UNC5D: variants seen among roughly 807,000 people sequenced by gnomAD.
The protein encoded by UNC5D is unc-5 netrin receptor D.
In UNC5D, 39 loss-of-function variants were observed where a neutral mutation model predicts 105.4. That is an observed-to-expected ratio of 0.37 (90% CI 0.29 to 0.48). The LOEUF (loss-of-function observed/expected upper bound fraction) is 0.48. UNC5D is among the 20% of genes least tolerant of loss of function. The probability of loss-of-function intolerance (pLI) is 0.98; values close to 1 mark genes in which losing one functional copy is unlikely to be tolerated. For synonymous variants in UNC5D, 452 were observed against 450.4 expected (o/e 1.00, Z -0.04); for missense variants, 991 against 1,202.4 (o/e 0.82, Z 2.60).
At chr8:35,560,955 CA>C (rs1816912103) in intron 2 of UNC5D, among the ~76,000 whole-genome samples, 1 of 152,174 alleles carries the variant, frequency 6.6e-6, no homozygotes, top group African/African-American at 2.4e-5. Flanking sequence ...TGGGGTAAGA[CA>C]AGATATAATC....
chr8:35,634,769 T>TC (rs1206351577), intron 4 of UNC5D, among the ~76,000 whole-genome samples: 2 of 151,700 alleles, frequency 1.3e-5, no homozygotes, highest in Non-Finnish European at 2.9e-5. Flanking sequence ...TTTTTTTTTT[T>TC]CTTTCCTTTT....
chr8:35,670,458 C>T (rs1824710158), intron 4 of UNC5D, among the ~76,000 whole-genome samples: 1 of 152,102 alleles, frequency 6.6e-6, no homozygotes, highest in South Asian at 2.1e-4. Flanking sequence ...GGAACCAACC[C>T]AAATGCCCAT....
Position 35,793,270 on chromosome 8 carries a change from G to A in UNC5D, c.*2707G>A, listed in dbSNP as rs1374070220. The A allele has an allele frequency of 7.5e-6, 3 of 399,734 alleles. No homozygotes were observed. Among genetic ancestry groups the A allele is most frequent in the African/African-American group, 2.1e-5 (1 of 47,616 alleles). The allele number at this position is 399,734 out of a possible 1,614,324, so 24.8% of individuals were successfully genotyped here. A position where few individuals can be genotyped will look rare whatever the true frequency, so the allele number is the denominator to read the frequency against. ...TGAGATTTACAGACCAAGGTGTGGTGGAGGAGGTAGAATTGCAGATCAGAT... is the reference window on the plus strand; with the variant it reads ...TGAGATTTACAGACCAAGGTGTGGTAGAGGAGGTAGAATTGCAGATCAGAT... On this transcript the variant is annotated 3_prime_UTR_variant, in exon 17 of 17. Transcript: ENST00000404895.
chr8:35,369,932 T>C (rs1563351761), intron 1 of UNC5D, among the ~76,000 whole-genome samples: 1 of 152,172 alleles, frequency 6.6e-6, no homozygotes, highest in Non-Finnish European at 1.5e-5. Context: ...AATTTTCTCT[T>C]TTTGCTGTAC....
chr8:35,479,545 C>A (rs1810338257), intron 1 of UNC5D, among the ~76,000 whole-genome samples: 1 of 152,030 alleles, frequency 6.6e-6, no homozygotes, highest in Non-Finnish European at 1.5e-5. Flanking sequence ...ACCAAGATGC[C>A]CATCAACAGT....
chr8:35,264,535 C>T (rs899119213), intron 1 of UNC5D, among the ~76,000 whole-genome samples: 1 of 152,088 alleles, frequency 6.6e-6, no homozygotes, highest in Non-Finnish European at 1.5e-5. Flanking sequence ...CGAGACCAAC[C>T]TGACCAACAA....
chr8:35,555,212 C>G (rs540738909), intron 2 of UNC5D, among the ~76,000 whole-genome samples: 62 of 152,132 alleles, frequency 4.1e-4, no homozygotes, highest in Non-Finnish European at 7.3e-4. Flanking sequence ...TCCCTCCCCA[C>G]CTTAGATTTC....
intron 1 of UNC5D, among the ~76,000 whole-genome samples, chr8:35,429,163 C>T (rs1585821674): frequency 1.3e-5 from 2 of 152,078 alleles, no homozygotes; most frequent in African/African-American, 4.8e-5. Context: ...TCAAAAGCTG[C>T]AATAATCTTC....
chr8:35,360,362 G>C (rs1191813651), intron 1 of UNC5D, among the ~76,000 whole-genome samples: 3 of 152,158 alleles, frequency 2.0e-5, no homozygotes, highest in Non-Finnish European at 2.9e-5. Flanking sequence ...TTTCATTAGA[G>C]AATCTCTCTA....
At chr8:35,591,411 A>C (rs2130884384) in intron 3 of UNC5D, among the ~76,000 whole-genome samples, 1 of 152,266 alleles carries the variant, frequency 6.6e-6, no homozygotes, top group East Asian at 1.9e-4. Flanking sequence ...TAATATTGTT[A>C]AAATTAACAG....
At chr8:35,590,632 A>G (rs1365896166) in intron 3 of UNC5D, among the ~76,000 whole-genome samples, 5 of 152,180 alleles carry the variant, frequency 3.3e-5, no homozygotes, top group African/African-American at 1.2e-4. Flanking sequence ...ATCTAGTAAT[A>G]TACATGACCT....
intron 3 of UNC5D, among the ~76,000 whole-genome samples, chr8:35,568,534 C>T (rs934620246): frequency 6.6e-6 from 1 of 152,078 alleles, no homozygotes; most frequent in African/African-American, 2.4e-5. Flanking sequence ...ACTAATAATA[C>T]AAAAATTAGC....
chr8:35,362,601 A>T (rs1801914901), intron 1 of UNC5D, among the ~76,000 whole-genome samples: 1 of 152,314 alleles, frequency 6.6e-6, no homozygotes, highest in South Asian at 2.1e-4. Context: ...ATTTTGAATT[A>T]TTCTCAGACT....
chr8:35,248,753 A>G (rs1488196051), intron 1 of UNC5D, among the ~76,000 whole-genome samples: 11 of 99,574 alleles, frequency 1.1e-4, no homozygotes, highest in Non-Finnish European at 1.7e-4. Context: ...TAAAATATAT[A>G]AATATATATA....
At chr8:35,323,624 T>C (rs1809922452) in intron 1 of UNC5D, among the ~76,000 whole-genome samples, 1 of 152,162 alleles carries the variant, frequency 6.6e-6, no homozygotes, top group African/African-American at 2.4e-5. Flanking sequence ...AGTGTGTGAA[T>C]TAATATTTTT....
chr8:35,561,793 T>C (rs1816986004), intron 2 of UNC5D, among the ~76,000 whole-genome samples: 1 of 152,174 alleles, frequency 6.6e-6, no homozygotes, highest in African/African-American at 2.4e-5. Flanking sequence ...GGGGCACTTG[T>C]GATATTTTGA....
chr8:35,754,758 G>A (rs757258451), intron 13 of UNC5D, among the ~76,000 whole-genome samples: 23 of 152,174 alleles, frequency 1.5e-4, no homozygotes, highest in Non-Finnish European at 3.1e-4. Flanking sequence ...ATTCTCATTT[G>A]CTCTGGGGGT....
chr8:35,424,875 C>T (rs1806141073), intron 1 of UNC5D, among the ~76,000 whole-genome samples: 1 of 152,174 alleles, frequency 6.6e-6, no homozygotes, highest in African/African-American at 2.4e-5. Context: ...AAGTTGACAC[C>T]TAGGTGGTGT....
At chr8:35,274,814 A>C (rs1805658668) in intron 1 of UNC5D, among the ~76,000 whole-genome samples, 1 of 152,194 alleles carries the variant, frequency 6.6e-6, no homozygotes, top group South Asian at 2.1e-4. Flanking sequence ...AATATTTAAA[A>C]ATTTTATCAA....
Sources: gnomAD v4.1 joint callset for allele counts (sites outside exome capture counted in the v4.1 genomes callset) on GRCh38, gnomAD v4.1.1 for gene constraint, MANE v1.5 for transcripts, NCBI Gene and HGNC (gene_info 2026-07-23, HGNC 2026-07-21) for gene names.